KLF12: variants seen among roughly 807,000 people sequenced by gnomAD.
KLF12 encodes Krueppel-like factor 12.
In KLF12, 9 loss-of-function variants were observed where a neutral mutation model predicts 37.8. The ratio of observed to expected loss-of-function variants is 0.24; its 90% confidence interval spans 0.14 to 0.42. The LOEUF is 0.42. Among genes scored for constraint, KLF12 ranks in the 10% least tolerant of loss-of-function variants. The pLI is 1.00. For missense variants in KLF12, 411 were observed against 516.0 expected (o/e 0.80, Z 1.97); for synonymous variants, 208 against 202.1 (o/e 1.03, Z -0.25).
At chr13:74,058,167 A>T (rs1200090403) in intron 1 of KLF12, among the ~76,000 whole-genome samples, 1 of 151,046 alleles carries the variant, frequency 6.6e-6, no homozygotes, top group Admixed American at 6.6e-5. Context: ...GGTTTTTGCC[A>T]TGTTGGCCAG....
rs530442840 is a variant in KLF12, at chr13:74,071,479, G to A, written c.-32+62260C>T. Among the ~76,000 whole-genome samples the A allele has an allele frequency of 1.6e-3, 238 of 151,930 alleles. 1 individual carries two copies. The Middle Eastern group carries it at 0.021, about 13-fold the overall frequency. On this transcript the variant is annotated intron_variant, in intron 1 of 7. Coordinates refer to ENST00000377669, the MANE Select transcript of KLF12 (RefSeq NM_007249.5). ...AGGTGGGCGGATCACAAGGTCAGGA[G>A]ATCGAGACCATCCTGGCTAACACAG...
chr13:73,990,687 G>A (rs1407683009), intron 2 of KLF12, among the ~76,000 whole-genome samples: 4 of 151,912 alleles, frequency 2.6e-5, no homozygotes, highest in Non-Finnish European at 5.9e-5. Context: ...TCAAAAAACA[G>A]AATTCAAAGT....
intron 3 of KLF12, among the ~76,000 whole-genome samples, chr13:73,909,447 C>A (rs557306105): frequency 5.9e-5 from 9 of 152,186 alleles, no homozygotes. Flanking sequence ...ATCTGAAAAT[C>A]TGTTGTCTTT....
chr13:73,703,069 CAAGGCCAAA>C (rs1278311896), intron 7 of KLF12, among the ~76,000 whole-genome samples: 1 of 152,064 alleles, frequency 6.6e-6, no homozygotes, highest in Non-Finnish European at 1.5e-5. Flanking sequence ...GAGATTGATC[CAAGGCCAAA>C]AAGTTAAGCT....
At chr13:73,962,614 T>A (rs1274361201) in intron 2 of KLF12, among the ~76,000 whole-genome samples, 1 of 152,184 alleles carries the variant, frequency 6.6e-6, no homozygotes, top group Non-Finnish European at 1.5e-5. Flanking sequence ...CTGTACTTTC[T>A]GCTCAATTTT....
chr13:73,977,017 T>C (rs922686110), intron 2 of KLF12, among the ~76,000 whole-genome samples: 3 of 151,100 alleles, frequency 2.0e-5, no homozygotes, highest in Non-Finnish European at 4.4e-5. Context: ...ATTAGGCAAA[T>C]ATACAAGGAT....
At chr13:74,132,144 T>G (rs1184919051) in intron 1 of KLF12, among the ~76,000 whole-genome samples, 1 of 152,210 alleles carries the variant, frequency 6.6e-6, no homozygotes, top group Non-Finnish European at 1.5e-5. Context: ...GGGGGTCCAC[T>G]GTTTTAAATA....
At chr13:74,296,909 G>A in the KLF12 span, among the ~76,000 whole-genome samples, 11 of 152,172 alleles carry the variant, frequency 7.2e-5, no homozygotes, top group African/African-American at 2.7e-4. Flanking sequence ...GATCTGGAGA[G>A]TAATTGTATA....
At chr13:74,244,071 T>C in the KLF12 span, among the ~76,000 whole-genome samples, 2 of 152,238 alleles carry the variant, frequency 1.3e-5, no homozygotes, top group African/African-American at 4.8e-5. Context: ...CAGTTCCTGC[T>C]GTGGTTGAAT....
intron 4 of KLF12, among the ~76,000 whole-genome samples, chr13:73,816,673 T>C (rs1448067957): frequency 1.3e-5 from 2 of 152,206 alleles, no homozygotes; most frequent in Non-Finnish European, 2.9e-5. Context: ...TTCTCAACAA[T>C]GACTCTGGGC....
chr13:74,221,646 CACTG>C, the KLF12 span, among the ~76,000 whole-genome samples: 75 of 152,296 alleles, frequency 4.9e-4, no homozygotes, highest in Non-Finnish European at 9.0e-4. Flanking sequence ...TGCTCTGTAA[CACTG>C]ACATGCTATT....
At chr13:73,848,685 C>T (rs887888523) in intron 3 of KLF12, among the ~76,000 whole-genome samples, 58 of 151,168 alleles carry the variant, frequency 3.8e-4, no homozygotes, top group African/African-American at 1.4e-3. Flanking sequence ...TATTAAGAGC[C>T]CCTAGGTACT....
At chr13:74,019,218 A>T (rs1466550085) in intron 1 of KLF12, among the ~76,000 whole-genome samples, 1 of 152,204 alleles carries the variant, frequency 6.6e-6, no homozygotes, top group African/African-American at 2.4e-5. Context: ...AATATGCAGA[A>T]ATTAGGATTG....
chr13:74,221,006 G>GTT, the KLF12 span, among the ~76,000 whole-genome samples: 19 of 137,726 alleles, frequency 1.4e-4, no homozygotes, highest in African/African-American at 3.6e-4. Flanking sequence ...TTGCTTGTTT[G>GTT]TTTTTTTTTT....
chr13:74,014,313 T>C (rs906104697), intron 1 of KLF12, among the ~76,000 whole-genome samples: 1 of 152,236 alleles, frequency 6.6e-6, no homozygotes, highest in African/African-American at 2.4e-5. Flanking sequence ...AATGAAGTTT[T>C]CTTCTTCCTA....
intron 4 of KLF12, among the ~76,000 whole-genome samples, chr13:73,825,955 A>C (rs936529717): frequency 6.6e-6 from 1 of 152,038 alleles, no homozygotes; most frequent in Non-Finnish European, 1.5e-5. Flanking sequence ...ATAAGATGTC[A>C]GGGGCAAATC....
chr13:73,703,404 T>C (rs914592702), intron 7 of KLF12, among the ~76,000 whole-genome samples: 6 of 152,154 alleles, frequency 3.9e-5, no homozygotes, highest in Non-Finnish European at 8.8e-5. Context: ...AGGTACTTTA[T>C]AGGCCAAGCA....
At chr13:74,020,136 C>T (rs1051271335) in intron 1 of KLF12, among the ~76,000 whole-genome samples, 8 of 152,170 alleles carry the variant, frequency 5.3e-5, no homozygotes, top group African/African-American at 1.7e-4. Flanking sequence ...TCTTTTCATG[C>T]AATATATACT....
chr13:74,121,922 T>C (rs1593917554), intron 1 of KLF12, among the ~76,000 whole-genome samples: 1 of 152,116 alleles, frequency 6.6e-6, no homozygotes, highest in East Asian at 1.9e-4. Context: ...ATGTCTATGC[T>C]CTGAAATTAA....
Sources: gnomAD v4.1 joint callset for allele counts (sites outside exome capture counted in the v4.1 genomes callset) on GRCh38, gnomAD v4.1.1 for gene constraint, MANE v1.5 for transcripts, NCBI Gene and HGNC (gene_info 2026-07-23, HGNC 2026-07-21) for gene names.